The following SGF29 variants were observed in gnomAD, a reference collection of about 807,000 sequenced individuals.
SGF29 encodes the protein SAGA-associated factor 29.
In SGF29, 15 loss-of-function variants were observed where a neutral mutation model predicts 38.1. The ratio of observed to expected loss-of-function variants is 0.39; its 90% confidence interval spans 0.26 to 0.61. SGF29 has a LOEUF of 0.61. Among genes scored for constraint, SGF29 ranks in the 20% least tolerant of loss-of-function variants. The pLI is 0.49. For missense variants in SGF29, 184 were observed against 394.6 expected (o/e 0.47, Z 4.52); for synonymous variants, 151 against 160.8 (o/e 0.94, Z 0.46).
At chr16:28,564,592 C>CATATATGCATATAT (rs1567285691) in intron 1 of SGF29, among the ~76,000 whole-genome samples, 12 of 104,252 alleles carry the variant, frequency 1.2e-4, no homozygotes, top group Non-Finnish European at 2.4e-4. Flanking sequence ...TATATATATA[C>CATATATGCATATAT]ACACATATAT....
At chr16:28,556,437 T>C (rs887578446) in intron 1 of SGF29, among the ~76,000 whole-genome samples, 3 of 152,308 alleles carry the variant, frequency 2.0e-5, no homozygotes, top group African/African-American at 7.2e-5. Context: ...AACCTCCGCC[T>C]TCCGGTTTCA....
intron 1 of SGF29, among the ~76,000 whole-genome samples, chr16:28,571,012 G>T (rs1414344112): frequency 6.6e-6 from 1 of 152,112 alleles, no homozygotes; most frequent in African/African-American, 2.4e-5. Context: ...ACTTTTGGGG[G>T]TTCAGGAGCC....
At chr16:28,561,549 A>G (rs1460330130) in intron 1 of SGF29, among the ~76,000 whole-genome samples, 1 of 152,182 alleles carries the variant, frequency 6.6e-6, no homozygotes, top group Non-Finnish European at 1.5e-5. Flanking sequence ...CAAAAAACAA[A>G]AAAACACAAA....
intron 1 of SGF29, among the ~76,000 whole-genome samples, chr16:28,571,204 G>T (rs138860890): frequency 2.0e-5 from 3 of 152,278 alleles, no homozygotes; most frequent in Admixed American, 2.0e-4. Flanking sequence ...TGTTGAGAAT[G>T]CAGTGAGAAG....
chr16:28,580,251 A>C (rs1331673164), intron 1 of SGF29, among the ~76,000 whole-genome samples: 3 of 152,172 alleles, frequency 2.0e-5, no homozygotes, highest in Non-Finnish European at 1.5e-5. Flanking sequence ...GGTGGAGGAG[A>C]ATCCAAGGAT....
intron 1 of SGF29, among the ~76,000 whole-genome samples, chr16:28,569,114 A>G (rs888998094): frequency 1.3e-5 from 2 of 152,036 alleles, no homozygotes; most frequent in Non-Finnish European, 2.9e-5. Context: ...AGTAAAAGAA[A>G]GAAAGAAATA....
Position 28,573,627 on chromosome 16 carries a change from C to T in SGF29, c.-15-7428C>T, listed in dbSNP as rs551963815. ...GTTCACTGGTAGAGGAGAAAGGATT[C>T]GCTGACAGTCGGAGGGGAGATGGAG... On this transcript the variant is annotated intron_variant, in intron 1 of 9. Coordinates refer to ENST00000317058, the MANE Select transcript of SGF29 (RefSeq NM_138414.3). 2.4e-4 allele frequency among the ~76,000 whole-genome samples: 37 copies of T among 152,262 alleles called. 1 individual carries two copies. The South Asian group carries it at 7.3e-3, about 30-fold the overall frequency.
rs550189969 is a variant in SGF29, at chr16:28,560,223, C to CA, written c.-16+6137dup. Among the ~76,000 whole-genome samples the CA allele has an allele frequency of 9.4e-3, 1,280 of 136,392 alleles. 5 individuals are homozygous for CA. The highest frequency in any genetic ancestry group is 0.016 in the South Asian group (69 of 4,354). 89.5% of individuals were successfully genotyped at this position (136,392 alleles called of 152,430 possible). Reference sequence around the variant, plus strand: ...TGGGCAACAGAGCAAGACTCTGACTCAAAAAAAAAAACCACGAAAATTTTA... The same window carrying CA: ...TGGGCAACAGAGCAAGACTCTGACTCAAAAAAAAAAAACCACGAAAATTTTA... On this transcript the variant is annotated intron_variant, in intron 1 of 9. Coordinates refer to ENST00000317058, the MANE Select transcript of SGF29 (RefSeq NM_138414.3).
chr16:28,564,645 GTATATATA>G lies in SGF29; in HGVS notation c.-16+10549_-16+10556del, dbSNP rs1567285782. On this transcript the variant is annotated intron_variant, in intron 1 of 9. Transcript: ENST00000317058. ...TATGCATATATATACGTATATATGTGTATATATACGTATATATATGCATATATATGTAT... is the reference window on the plus strand; with the variant it reads ...TATGCATATATATACGTATATATGTGCGTATATATATGCATATATATGTAT... 2.3e-4 allele frequency among the ~76,000 whole-genome samples: 23 copies of G among 101,090 alleles called. 1 individual carries two copies. Among genetic ancestry groups the G allele is most frequent in the Non-Finnish European group, 3.0e-4 (15 of 49,774 alleles). 66.3% of individuals were successfully genotyped at this position (101,090 alleles called of 152,430 possible). A position where few individuals can be genotyped will look rare whatever the true frequency, so the allele number is the denominator to read the frequency against.
intron 2 of SGF29, among the ~76,000 whole-genome samples, chr16:28,582,381 G>A (rs979495527): frequency 3.9e-5 from 6 of 151,950 alleles, no homozygotes; most frequent in African/African-American, 1.5e-4. Context: ...TACCATGATG[G>A]GGGGCACGCA....
chr16:28,589,868 C>T (rs2151654874), intron 5 of SGF29, among the ~76,000 whole-genome samples: 1 of 152,286 alleles, frequency 6.6e-6, no homozygotes, highest in Middle Eastern at 3.4e-3. Context: ...TCTTCTGGTT[C>T]CTCCCCCTGG....
At chr16:28,574,347 G>T (rs930886340) in intron 1 of SGF29, among the ~76,000 whole-genome samples, 5 of 152,186 alleles carry the variant, frequency 3.3e-5, no homozygotes, top group Non-Finnish European at 5.9e-5. Flanking sequence ...CCCTTGGGAG[G>T]TGGGCACATA....
chr16:28,568,313 C>CA (rs148414167), intron 1 of SGF29, among the ~76,000 whole-genome samples: 26,552 of 53,416 alleles, frequency 0.5, 5,974 homozygotes, highest in Non-Finnish European at 0.54. Context: ...AACTCCATCT[C>CA]AAAAAAAAAA....
At chr16:28,555,298 T>C (rs1340095101) in intron 1 of SGF29, among the ~76,000 whole-genome samples, 1 of 150,800 alleles carries the variant, frequency 6.6e-6, no homozygotes, top group African/African-American at 2.4e-5. Context: ...ATCCAGTCTC[T>C]TCTAAAAAAA....
intron 1 of SGF29, among the ~76,000 whole-genome samples, chr16:28,569,048 A>G (rs2046849998): frequency 6.6e-6 from 1 of 152,194 alleles, no homozygotes; most frequent in African/African-American, 2.4e-5. Context: ...AGATCACACC[A>G]TTACACTCCA....
At chr16:28,564,525 GTGTATATATATA>G (rs1567285514) in intron 1 of SGF29, among the ~76,000 whole-genome samples, 17 of 103,218 alleles carry the variant, frequency 1.6e-4, no homozygotes, top group African/African-American at 3.6e-4. Flanking sequence ...ATATATGTGT[GTGTATATATATA>G]TGTATATATA....
At position 28,591,589 on chromosome 16, in the gene SGF29, G is replaced by GC; in HGVS notation, c.769dup (p.Gln257ProfsTer3). On this transcript the variant is annotated frameshift_variant and splice_region_variant. Transcript: ENST00000317058. LOFTEE classifies it high-confidence loss of function. ...GCCCCTCCTGTCTGCCTGCCCCACA[G>GC]CCCCAGGATGACTACTCGGTCCTGT... The GC allele has an allele frequency of 6.2e-7, 1 of 1,610,130 alleles. No individual in the cohort carries two copies. Among genetic ancestry groups the GC allele is most frequent in the Non-Finnish European group, 8.5e-7 (1 of 1,176,408 alleles).
chr16:28,588,565 G>C (rs1186783266), intron 4 of SGF29: 9 of 421,870 alleles, frequency 2.1e-5, no homozygotes. Flanking sequence ...AAGATTTCCA[G>C]TTTTCTTTTT....
At chr16:28,581,294 G>A in intron 2 of SGF29, 150 bp downstream of exon 2, 1 of 691,248 alleles carries the variant, frequency 1.4e-6, no homozygotes, top group East Asian at 2.7e-5. Flanking sequence ...TTGGTGTATG[G>A]CTACCATTCC....
Sources: allele counts gnomAD v4.1 joint callset (sites outside exome capture counted in the v4.1 genomes callset), GRCh38; gene constraint gnomAD v4.1.1; transcripts MANE v1.5; gene names NCBI Gene and HGNC (gene_info 2026-07-23, HGNC 2026-07-21).